The following MRTFA variants were observed in gnomAD, a reference collection of about 807,000 sequenced individuals.
The protein encoded by MRTFA is myocardin related transcription factor A.
Under a neutral mutation model 83.5 loss-of-function variants are expected in MRTFA, and 20 were observed. The observed-to-expected ratio is 0.24, with a 90% confidence interval of 0.17 to 0.35. MRTFA has a LOEUF of 0.35. Among genes scored for constraint, MRTFA ranks in the 10% least tolerant of loss-of-function variants. The pLI is 1.00. For synonymous variants in MRTFA, 659 were observed against 541.2 expected (o/e 1.22, Z -3.02); for missense variants, 1,200 against 1,224.7 (o/e 0.98, Z 0.30).
chr22:40,596,052 C>T (rs1436119203), intron 1 of MRTFA, among the ~76,000 whole-genome samples: 1 of 151,612 alleles, frequency 6.6e-6, no homozygotes, highest in Non-Finnish European at 1.5e-5. Flanking sequence ...TCTCTGGCCA[C>T]TAATGTCCCT....
intron 2 of MRTFA, among the ~76,000 whole-genome samples, chr22:40,575,837 G>A (rs1181595669): frequency 2.0e-5 from 3 of 152,084 alleles, no homozygotes; most frequent in Non-Finnish European, 2.9e-5. Flanking sequence ...TTATCCCGAT[G>A]AGTATAACAA....
chr22:40,480,549 G>A (rs546820042), intron 3 of MRTFA, among the ~76,000 whole-genome samples: 3 of 152,174 alleles, frequency 2.0e-5, no homozygotes, highest in Admixed American at 6.5e-5. Flanking sequence ...TATGGAACAT[G>A]TAGAGTATAT....
intron 8 of MRTFA, 38 bp from the exon 9 acceptor site, chr22:40,423,723 C>A: frequency 6.7e-7 from 1 of 1,492,490 alleles, no homozygotes; most frequent in Middle Eastern, 1.8e-4. Flanking sequence ...ATGGCCACCT[C>A]CAGGTAGGGT....
chr22:40,455,724 G>A (rs73167053), intron 4 of MRTFA, among the ~76,000 whole-genome samples: 12,645 of 150,834 alleles, frequency 0.084, 786 homozygotes, highest in East Asian at 0.24. Context: ...ACAGGGTGTC[G>A]GGGTGGCAGA....
chr22:40,524,493 C>A (rs1176441538), intron 3 of MRTFA, among the ~76,000 whole-genome samples: 1 of 152,102 alleles, frequency 6.6e-6, no homozygotes, highest in Non-Finnish European at 1.5e-5. Flanking sequence ...CACAGCTCTG[C>A]CAAGAACATG....
chr22:40,457,129 C>G (rs2053598012), intron 4 of MRTFA, among the ~76,000 whole-genome samples: 1 of 152,128 alleles, frequency 6.6e-6, no homozygotes, highest in Non-Finnish European at 1.5e-5. Context: ...CTTTGGGAGG[C>G]TGAGGTGGGC....
chr22:40,544,112 A>G (rs1455663638), intron 3 of MRTFA, among the ~76,000 whole-genome samples: 1 of 152,258 alleles, frequency 6.6e-6, no homozygotes, highest in Non-Finnish European at 1.5e-5. Flanking sequence ...CCACTTGAAA[A>G]AAAATTAACT....
intron 3 of MRTFA, among the ~76,000 whole-genome samples, chr22:40,525,995 G>C (rs1276407398): frequency 1.3e-5 from 2 of 151,844 alleles, no homozygotes; most frequent in Non-Finnish European, 2.9e-5. Context: ...TGGTCAGGGA[G>C]TGCGCCTAAC....
chr22:40,592,489 TTTC>T (rs1231482339), intron 2 of MRTFA, among the ~76,000 whole-genome samples: 1 of 151,212 alleles, frequency 6.6e-6, no homozygotes, highest in Admixed American at 6.6e-5. Flanking sequence ...ACATTTTTTT[TTTC>T]TTTTTTTTTT....
At position 40,570,445 on chromosome 22, in the gene MRTFA, G is replaced by A. The variant is rs528166882; in HGVS notation, c.-21-18078C>T. On this transcript the variant is annotated intron_variant, in intron 2 of 14. Coordinates refer to ENST00000355630, the MANE Select transcript of MRTFA (RefSeq NM_020831.6). The stretch of plus-strand genomic sequence containing the variant: ...TACAAAAAATTAGCCTGGCATGGTG[G>A]CAAGCACCTGTAGTCCCAGCTACTC... Among the ~76,000 whole-genome samples the A allele has an allele frequency of 5.9e-5, 9 of 151,914 alleles. No homozygotes were observed. The South Asian group carries it at 1.7e-3, about 28-fold the overall frequency.
chr22:40,503,323 A>C (rs2054528292), intron 3 of MRTFA, among the ~76,000 whole-genome samples: 1 of 152,198 alleles, frequency 6.6e-6, no homozygotes, highest in African/African-American at 2.4e-5. Flanking sequence ...AAAATCAGAA[A>C]TGTAGTCTGG....
intron 4 of MRTFA, among the ~76,000 whole-genome samples, chr22:40,453,199 G>A (rs1379890580): frequency 6.6e-6 from 1 of 152,224 alleles, no homozygotes; most frequent in African/African-American, 2.4e-5. Context: ...TCACTGTGAT[G>A]TTTATCAAAT....
intron 2 of MRTFA, among the ~76,000 whole-genome samples, chr22:40,561,010 T>A (rs1255051753): frequency 6.6e-6 from 1 of 151,008 alleles, no homozygotes; most frequent in African/African-American, 2.4e-5. Context: ...TTCTGAAAAT[T>A]TTTTTTAAAC....
intron 4 of MRTFA, among the ~76,000 whole-genome samples, chr22:40,457,634 A>G (rs894580853): frequency 6.6e-6 from 1 of 152,156 alleles, no homozygotes; most frequent in Non-Finnish European, 1.5e-5. Context: ...AAATGAAAAA[A>G]ACAAGCTCTG....
chr22:40,412,483 TATACCCAAAAGAATTGGA>T (rs1262157107), intron 14 of MRTFA: 4 of 152,204 alleles, frequency 2.6e-5, no homozygotes, highest in Non-Finnish European at 5.9e-5. Flanking sequence ...CTGCTGGGCA[TATACCCAAAAGAATTGGA>T]AGCAGGGTCT....
At chr22:40,488,551 G>A (rs968021913) in intron 3 of MRTFA, among the ~76,000 whole-genome samples, 24 of 151,714 alleles carry the variant, frequency 1.6e-4, no homozygotes, top group African/African-American at 4.6e-4. Flanking sequence ...AAATTCAGCC[G>A]GGTGCAGTGG....
intron 1 of MRTFA, among the ~76,000 whole-genome samples, chr22:40,611,895 A>G (rs2056391962): frequency 6.6e-6 from 1 of 152,018 alleles, no homozygotes; most frequent in South Asian, 2.1e-4. Flanking sequence ...GGAAAGGAAG[A>G]AAAAAAACAA....
At chr22:40,476,205 G>C (rs1013188517) in intron 3 of MRTFA, among the ~76,000 whole-genome samples, 1 of 151,640 alleles carries the variant, frequency 6.6e-6, no homozygotes, top group Non-Finnish European at 1.5e-5. Flanking sequence ...TGGTATTAAA[G>C]TTTCAAGCTA....
intron 3 of MRTFA, among the ~76,000 whole-genome samples, chr22:40,539,483 C>T (rs1328558755): frequency 7.6e-6 from 1 of 130,724 alleles, no homozygotes; most frequent in Non-Finnish European, 1.8e-5. Flanking sequence ...GGACTACGGG[C>T]GCCCACCACC....
Sources: allele counts gnomAD v4.1 joint callset (sites outside exome capture counted in the v4.1 genomes callset), GRCh38; gene constraint gnomAD v4.1.1; transcripts MANE v1.5; gene names NCBI Gene and HGNC (gene_info 2026-07-23, HGNC 2026-07-21).